GALNT13: variants seen among roughly 807,000 people sequenced by gnomAD.
GALNT13 encodes UDP-GalNAc:polypeptide N-acetylgalactosaminyltransferase 13.
GALNT13 carries 28 observed loss-of-function variants against 64.2 expected under a neutral mutation model. The ratio of observed to expected loss-of-function variants is 0.44; its 90% confidence interval spans 0.32 to 0.60. The LOEUF is 0.60. Among genes scored for constraint, GALNT13 ranks in the 20% least tolerant of loss-of-function variants. GALNT13 has a pLI of 0.05. For synonymous variants in GALNT13, 214 were observed against 224.6 expected (o/e 0.95, Z 0.42); for missense variants, 577 against 669.8 (o/e 0.86, Z 1.53).
At chr2:154,440,217 T>G (rs549729945) in intron 12 of GALNT13, among the ~76,000 whole-genome samples, 52 of 152,280 alleles carry the variant, frequency 3.4e-4, no homozygotes, top group Non-Finnish European at 5.1e-4. Context: ...ATCTAGAATA[T>G]ATTTATTAAG....
At chr2:154,071,748 A>T (rs577079525) in intron 3 of GALNT13, among the ~76,000 whole-genome samples, 2 of 152,202 alleles carry the variant, frequency 1.3e-5, no homozygotes, top group East Asian at 3.9e-4. Flanking sequence ...TTCTTGTTTC[A>T]GCTCTCATGT....
chr2:153,239,709 A>G, the GALNT13 span, among the ~76,000 whole-genome samples: 1 of 152,038 alleles, frequency 6.6e-6, no homozygotes, highest in Admixed American at 6.6e-5. Context: ...TTTTTAATGT[A>G]TTGTTAAATT....
At chr2:154,297,794 TA>T (rs1199432253) in intron 8 of GALNT13, among the ~76,000 whole-genome samples, 1 of 152,232 alleles carries the variant, frequency 6.6e-6, no homozygotes. Context: ...GTTCTAGTTT[TA>T]TTTAGTTATT....
the GALNT13 span, among the ~76,000 whole-genome samples, chr2:153,739,952 G>A: frequency 6.6e-6 from 1 of 151,698 alleles, no homozygotes; most frequent in Non-Finnish European, 1.5e-5. Flanking sequence ...GAGAATATTT[G>A]TACTTGGAGT....
chr2:153,872,472 G>C (rs1055467353), intron 1 of GALNT13, among the ~76,000 whole-genome samples, 169 bp downstream of exon 1: 1 of 152,054 alleles, frequency 6.6e-6, no homozygotes, highest in African/African-American at 2.4e-5. Flanking sequence ...GGGCGCGGGC[G>C]GACCTGGCGA....
chr2:154,019,567 G>A (rs950436258), intron 3 of GALNT13, among the ~76,000 whole-genome samples: 5 of 148,980 alleles, frequency 3.4e-5, no homozygotes, highest in African/African-American at 5.0e-5. Flanking sequence ...CCAAGACTGC[G>A]CCACTGCACT....
the GALNT13 span, among the ~76,000 whole-genome samples, chr2:153,842,933 A>G: frequency 6.6e-6 from 1 of 152,346 alleles, no homozygotes; most frequent in African/African-American, 2.4e-5. Flanking sequence ...AACTGGAGAA[A>G]AAGATAATAG....
chr2:153,467,882 C>G, the GALNT13 span, among the ~76,000 whole-genome samples: 1 of 152,052 alleles, frequency 6.6e-6, no homozygotes, highest in Non-Finnish European at 1.5e-5. Context: ...ATGGTGATTT[C>G]ATGCTTTGGA....
intron 3 of GALNT13, among the ~76,000 whole-genome samples, chr2:154,100,808 T>C (rs1045449037): frequency 2.6e-4 from 40 of 152,146 alleles, no homozygotes; most frequent in African/African-American, 9.7e-4. Flanking sequence ...GTTTTCAACC[T>C]TTCCCCATTC....
intron 8 of GALNT13, among the ~76,000 whole-genome samples, chr2:154,296,422 A>G (rs1692928344): frequency 6.6e-6 from 1 of 152,208 alleles, no homozygotes; most frequent in African/African-American, 2.4e-5. Context: ...CCATTCAGTT[A>G]GCTCCCTTGT....
the GALNT13 span, among the ~76,000 whole-genome samples, chr2:153,456,671 C>G: frequency 6.6e-6 from 1 of 152,186 alleles, no homozygotes; most frequent in Non-Finnish European, 1.5e-5. Context: ...TTTTAATCCT[C>G]ATAACAACTT....
intron 9 of GALNT13, among the ~76,000 whole-genome samples, chr2:154,356,045 T>C (rs1336424569): frequency 6.6e-6 from 1 of 152,054 alleles, no homozygotes; most frequent in South Asian, 2.1e-4. Context: ...TTAGGTCTGA[T>C]ATTGCTAAGC....
chr2:154,000,367 C>A (rs771044120), intron 3 of GALNT13, among the ~76,000 whole-genome samples: 1 of 151,762 alleles, frequency 6.6e-6, no homozygotes, highest in East Asian at 1.9e-4. Context: ...GTACTTTGTT[C>A]TTTTTCCTTT....
the GALNT13 span, among the ~76,000 whole-genome samples, chr2:153,530,092 G>A: frequency 6.6e-6 from 1 of 151,982 alleles, no homozygotes; most frequent in South Asian, 2.1e-4. Context: ...TTCATATTGG[G>A]AAGGAAGAAA....
intron 1 of GALNT13, among the ~76,000 whole-genome samples, chr2:153,882,812 G>C (rs961335366): frequency 6.6e-6 from 1 of 151,234 alleles, no homozygotes; most frequent in Non-Finnish European, 1.5e-5. Context: ...TAATTTTGTA[G>C]AAATGGGGGA....
At chr2:153,963,771 GTGTGTGTGTGTT>G (rs1432498631) in intron 3 of GALNT13, among the ~76,000 whole-genome samples, 1 of 145,486 alleles carries the variant, frequency 6.9e-6, no homozygotes, top group African/African-American at 2.7e-5. Context: ...GTGTGTGTGT[GTGTGTGTGTGTT>G]TGGCCAGACT....
intron 9 of GALNT13, among the ~76,000 whole-genome samples, chr2:154,326,769 A>T (rs1694898067): frequency 6.6e-6 from 1 of 152,156 alleles, no homozygotes; most frequent in African/African-American, 2.4e-5. Context: ...ATAGTCTGCT[A>T]TCTGAAGCTA....
At chr2:154,291,023 C>G (rs1003342004) in intron 8 of GALNT13, among the ~76,000 whole-genome samples, 25 of 151,994 alleles carry the variant, frequency 1.6e-4, no homozygotes, top group African/African-American at 6.0e-4. Flanking sequence ...GCAGCCCGGA[C>G]CCAAAGAGTG....
At chr2:154,089,351 T>A (rs78728436) in intron 3 of GALNT13, among the ~76,000 whole-genome samples, 53 of 152,180 alleles carry the variant, frequency 3.5e-4, no homozygotes, top group Non-Finnish European at 6.3e-4. Flanking sequence ...CTTGAAACTT[T>A]CCTCTTATAG....
Sources: allele counts gnomAD v4.1 joint callset (sites outside exome capture counted in the v4.1 genomes callset), GRCh38; gene constraint gnomAD v4.1.1; transcripts MANE v1.5; gene names NCBI Gene and HGNC (gene_info 2026-07-23, HGNC 2026-07-21).